The following RGS6 variants were observed in gnomAD, a reference collection of about 807,000 sequenced individuals.
RGS6 encodes regulator of G-protein signaling 6.
A neutral mutation model predicts 78.5 loss-of-function variants in RGS6; 30 were observed. The observed-to-expected ratio is 0.38, with a 90% CI of 0.29 to 0.52. RGS6 has a LOEUF of 0.52. RGS6 is among the 20% of genes least tolerant of loss of function. The pLI is 0.85. For synonymous variants in RGS6, 206 were observed against 206.0 expected (o/e 1.00, Z 0.00); for missense variants, 495 against 609.7 (o/e 0.81, Z 1.98).
intron 2 of RGS6, among the ~76,000 whole-genome samples, chr14:72,247,784 A>G (rs2153834645): frequency 6.6e-6 from 1 of 152,220 alleles, no homozygotes. Flanking sequence ...AGTTTGTTCC[A>G]TTTTCCTGTT....
intron 2 of RGS6, among the ~76,000 whole-genome samples, chr14:72,167,034 G>A (rs576892814): frequency 3.0e-5 from 4 of 132,316 alleles, no homozygotes; most frequent in African/African-American, 8.6e-5. Flanking sequence ...TAGCCCAGTT[G>A]TAAATTTCAA....
chr14:72,182,605 G>A (rs1277717002), intron 2 of RGS6, among the ~76,000 whole-genome samples: 1 of 152,148 alleles, frequency 6.6e-6, no homozygotes, highest in Non-Finnish European at 1.5e-5. Flanking sequence ...GGAAACTGCT[G>A]ACAGTAACAT....
downstream of RGS6, among the ~76,000 whole-genome samples, chr14:72,568,322 G>T (rs1468466739): frequency 2.6e-5 from 4 of 152,232 alleles, no homozygotes; most frequent in Non-Finnish European, 5.9e-5. Flanking sequence ...CATGGTAAAT[G>T]TTCACGAAAT....
At chr14:71,869,229 T>C in the RGS6 span, among the ~76,000 whole-genome samples, 7 of 152,360 alleles carry the variant, frequency 4.6e-5, no homozygotes, top group East Asian at 1.2e-3. Context: ...GATTCGCCTT[T>C]AAAATTGGCT....
intron 2 of RGS6, among the ~76,000 whole-genome samples, chr14:72,003,886 C>T (rs1024370832): frequency 5.3e-5 from 8 of 152,098 alleles, no homozygotes; most frequent in East Asian, 1.9e-4. Context: ...CCCAGGACGG[C>T]GCATGAGCTT....
chr14:71,945,765 A>G (rs987021522), intron 1 of RGS6, among the ~76,000 whole-genome samples: 1 of 152,174 alleles, frequency 6.6e-6, no homozygotes, highest in Non-Finnish European at 1.5e-5. Context: ...AGCGAGAAGT[A>G]TGTGCTGCTC....
At chr14:72,027,581 G>A (rs1048754522) in intron 2 of RGS6, among the ~76,000 whole-genome samples, 11 of 152,094 alleles carry the variant, frequency 7.2e-5, no homozygotes, top group Non-Finnish European at 1.2e-4. Flanking sequence ...TGTCAAAAGC[G>A]TGATTCTGGA....
At chr14:71,963,352 T>G (rs1405605845) in intron 1 of RGS6, among the ~76,000 whole-genome samples, 1 of 152,232 alleles carries the variant, frequency 6.6e-6, no homozygotes, top group Admixed American at 6.5e-5. Context: ...TTAAATATAT[T>G]TATTTTTCTT....
intron 14 of RGS6, 85 bp from the exon 15 acceptor site, chr14:72,518,266 A>T (rs2096980525): frequency 2.3e-6 from 3 of 1,324,214 alleles, no homozygotes; most frequent in Non-Finnish European, 2.1e-6. Flanking sequence ...AATGGGTTTC[A>T]TGGGACATCA....
At chr14:72,145,067 T>G (rs2096590142) in intron 2 of RGS6, among the ~76,000 whole-genome samples, 1 of 151,990 alleles carries the variant, frequency 6.6e-6, no homozygotes, top group Non-Finnish European at 1.5e-5. Flanking sequence ...ATGGCAGAAT[T>G]GGTTGAGCCA....
the RGS6 span, among the ~76,000 whole-genome samples, chr14:72,620,164 T>C: frequency 6.6e-6 from 1 of 152,008 alleles, no homozygotes; most frequent in African/African-American, 2.4e-5. Flanking sequence ...CAACTGGAGT[T>C]TCCCCCTCTA....
chr14:72,117,350 C>T (rs1175162338), intron 2 of RGS6, among the ~76,000 whole-genome samples: 1 of 152,074 alleles, frequency 6.6e-6, no homozygotes, highest in African/African-American at 2.4e-5. Context: ...CATGAGTTCA[C>T]ACAGCATCTG....
chr14:72,599,402 T>G, the RGS6 span, among the ~76,000 whole-genome samples: 30,227 of 89,074 alleles, frequency 0.34, 9,985 homozygotes, highest in Non-Finnish European at 0.39. Flanking sequence ...CCTTTTTTTT[T>G]TTTTTTTTTT....
chr14:71,958,188 T>C (rs2190873), intron 1 of RGS6, among the ~76,000 whole-genome samples: 86,603 of 151,986 alleles, frequency 0.57, 25,159 homozygotes, highest in African/African-American at 0.68. Flanking sequence ...CACAGATTAG[T>C]TGAGGACCTA....
the RGS6 span, among the ~76,000 whole-genome samples, chr14:71,893,932 TA>T: frequency 6.6e-6 from 1 of 152,186 alleles, no homozygotes; most frequent in African/African-American, 2.4e-5. Context: ...ATCTGAGTAG[TA>T]AATCAGACTT....
At chr14:72,228,190 C>T (rs1173392989) in intron 2 of RGS6, among the ~76,000 whole-genome samples, 3 of 152,050 alleles carry the variant, frequency 2.0e-5, no homozygotes, top group Non-Finnish European at 4.4e-5. Context: ...ATCTGCCTAG[C>T]CAACATGGTG....
At chr14:72,115,241 T>C (rs956648433) in intron 2 of RGS6, among the ~76,000 whole-genome samples, 5 of 152,176 alleles carry the variant, frequency 3.3e-5, no homozygotes, top group Non-Finnish European at 7.3e-5. Context: ...ATTTCTTCTC[T>C]GGATTTGACT....
At chr14:71,952,914 C>T (rs1175911550) in intron 1 of RGS6, among the ~76,000 whole-genome samples, 4 of 152,140 alleles carry the variant, frequency 2.6e-5, no homozygotes, top group Non-Finnish European at 5.9e-5. Flanking sequence ...CTTAGGTCCC[C>T]TGGGAACATG....
At chr14:72,526,626 C>T (rs2097124322) in intron 15 of RGS6, among the ~76,000 whole-genome samples, 1 of 152,214 alleles carries the variant, frequency 6.6e-6, no homozygotes, top group Non-Finnish European at 1.5e-5. Flanking sequence ...GGAATGATGC[C>T]TTATGTGGAA....
Sources: allele counts gnomAD v4.1 joint callset (sites outside exome capture counted in the v4.1 genomes callset), GRCh38; gene constraint gnomAD v4.1.1; transcripts MANE v1.5; gene names NCBI Gene and HGNC (gene_info 2026-07-23, HGNC 2026-07-21).